Variants in MATN2 observed in about 807,000 individuals in gnomAD.
The protein encoded by MATN2 is matrilin 2.
MATN2 carries 69 observed loss-of-function variants against 103.2 expected under a neutral mutation model. The ratio of observed to expected loss-of-function variants is 0.67; its 90% CI spans 0.55 to 0.82. MATN2 has a LOEUF of 0.82. Ranked by LOEUF, MATN2 falls within the 40% of genes least tolerant of loss-of-function variation. MATN2 has a pLI of 0.00. For synonymous variants in MATN2, 429 were observed against 450.2 expected (o/e 0.95, Z 0.60); for missense variants, 1,023 against 1,211.5 (o/e 0.84, Z 2.31).
chr8:98,030,763 A>G (rs1306985231), intron 15 of MATN2, 149 bp downstream of exon 15: 2 of 688,622 alleles, frequency 2.9e-6, no homozygotes, highest in Non-Finnish European at 4.7e-6. Context: ...CCTGGGTTCA[A>G]GTGATTCTCA....
intron 5 of MATN2, among the ~76,000 whole-genome samples, chr8:97,972,450 C>CTG (rs987533220): frequency 2.0e-5 from 3 of 151,872 alleles, no homozygotes; most frequent in Non-Finnish European, 2.9e-5. Flanking sequence ...GAGTCTGACT[C>CTG]TGTGTGTGTG....
chr8:97,890,464 CAAA>C (rs553728394), intron 2 of MATN2, among the ~76,000 whole-genome samples: 5 of 84,220 alleles, frequency 5.9e-5, no homozygotes, highest in African/African-American at 3.6e-5. Context: ...GACTCTGTCT[CAAA>C]AAAAAAAAAA....
At chr8:98,006,766 GCTTTACC>G (rs1812983916) in intron 8 of MATN2, among the ~76,000 whole-genome samples, 2 of 152,198 alleles carry the variant, frequency 1.3e-5, no homozygotes, top group African/African-American at 4.8e-5. Flanking sequence ...GGAGTTGTAT[GCTTTACC>G]CTTCAAAGAA....
intron 6 of MATN2, among the ~76,000 whole-genome samples, chr8:97,986,393 A>G (rs920024982): frequency 2.6e-5 from 4 of 152,320 alleles, no homozygotes; most frequent in African/African-American, 9.6e-5. Context: ...TGGTGCAACC[A>G]TCACCTGAGC....
chr8:97,905,137 T>C (rs1348800285), intron 2 of MATN2, among the ~76,000 whole-genome samples: 1 of 152,242 alleles, frequency 6.6e-6, no homozygotes, highest in Admixed American at 6.5e-5. Context: ...TGTTACTCTA[T>C]ACCAAATTTT....
At chr8:98,031,248 G>T (rs11993552) in intron 15 of MATN2, among the ~76,000 whole-genome samples, 2,891 of 152,150 alleles carry the variant, frequency 0.019, 98 homozygotes, top group African/African-American at 0.065. Flanking sequence ...TGAGCGGGGA[G>T]GATCGTTTGA....
intron 2 of MATN2, among the ~76,000 whole-genome samples, chr8:97,904,307 CTTTT>C (rs1181689501): frequency 6.6e-6 from 1 of 152,088 alleles, no homozygotes; most frequent in African/African-American, 2.4e-5. Flanking sequence ...TTTTCTATTT[CTTTT>C]GAGTCTATTT....
intron 4 of MATN2, among the ~76,000 whole-genome samples, chr8:97,957,716 G>A (rs1811186584): frequency 6.6e-6 from 1 of 152,188 alleles, no homozygotes; most frequent in South Asian, 2.1e-4. Context: ...ATCATTAAAG[G>A]GGGAGACTGA....
chr8:97,928,156 C>T (rs1810054867), intron 2 of MATN2, among the ~76,000 whole-genome samples: 1 of 151,832 alleles, frequency 6.6e-6, no homozygotes, highest in African/African-American at 2.4e-5. Flanking sequence ...ATCTACTGCC[C>T]CAACCCAGGG....
chr8:97,910,966 T>A (rs1809401534), intron 2 of MATN2, among the ~76,000 whole-genome samples: 1 of 152,150 alleles, frequency 6.6e-6, no homozygotes, highest in East Asian at 1.9e-4. Flanking sequence ...TCAAGGAACA[T>A]CTCTATTTAA....
At chr8:97,901,348 G>A (rs1468509097) in intron 2 of MATN2, among the ~76,000 whole-genome samples, 2 of 151,906 alleles carry the variant, frequency 1.3e-5, no homozygotes, top group Non-Finnish European at 2.9e-5. Flanking sequence ...CGCCTTTTGG[G>A]TTCCAGCGAT....
intron 4 of MATN2, among the ~76,000 whole-genome samples, chr8:97,958,532 G>A (rs1811210437): frequency 6.6e-6 from 1 of 152,224 alleles, no homozygotes; most frequent in African/African-American, 2.4e-5. Flanking sequence ...GACAGCCGAT[G>A]GGTGAGGCCA....
rs545532976 is a variant in MATN2 at position 97,877,477 on chromosome 8, CA to C, written c.-27+8200del. 5.8e-4 allele frequency among the ~76,000 whole-genome samples: 84 copies of C among 144,032 alleles called. 1 individual carries two copies. In the East Asian group the frequency reaches 7.0e-3, roughly 12 times the overall value. The allele number at this position is 144,032 out of a possible 152,430, so 94.5% of individuals were successfully genotyped here. A position where few individuals can be genotyped will look rare whatever the true frequency, so the allele number is the denominator to read the frequency against. On this transcript the variant is annotated intron_variant, in intron 1 of 18. Coordinates refer to ENST00000254898, the MANE Select transcript of MATN2 (RefSeq NM_002380.5). ...GAGCAACGAGAGTGAAACTCAGTCT[CA>C]AAAAAAAAACTTTTTTTTTTTTTGT...
chr8:97,959,790 A>C (rs1379465829), intron 4 of MATN2, among the ~76,000 whole-genome samples: 1 of 147,384 alleles, frequency 6.8e-6, no homozygotes, highest in Non-Finnish European at 1.5e-5. Flanking sequence ...ATCAGCTTTT[A>C]TCTTTTTAAA....
At chr8:97,946,996 A>G (rs1810772886) in intron 4 of MATN2, among the ~76,000 whole-genome samples, 1 of 152,228 alleles carries the variant, frequency 6.6e-6, no homozygotes, top group Non-Finnish European at 1.5e-5. Flanking sequence ...AACAATATAT[A>G]GAAAGAACAA....
intron 3 of MATN2, among the ~76,000 whole-genome samples, chr8:97,932,726 C>CAAACTCCTGGATTG (rs1554604111): frequency 6.6e-6 from 1 of 152,230 alleles, no homozygotes; most frequent in Admixed American, 6.5e-5. Context: ...CCAGGAAACT[C>CAAACTCCTGGATTG]GCATCCTGAT....
intron 10 of MATN2, among the ~76,000 whole-genome samples, chr8:98,013,560 C>T (rs766849294): frequency 1.3e-5 from 2 of 152,190 alleles, no homozygotes; most frequent in Non-Finnish European, 2.9e-5. Flanking sequence ...TCTGATGATT[C>T]GTTGAAATCA....
intron 2 of MATN2, among the ~76,000 whole-genome samples, chr8:97,902,646 G>T (rs10102157): frequency 0.44 from 66,058 of 151,808 alleles, 15,052 homozygotes; most frequent in African/African-American, 0.53. Context: ...GAGAGGAGTC[G>T]CTATTGCCTC....
At chr8:97,986,958 G>A (rs1409505737) in intron 6 of MATN2, among the ~76,000 whole-genome samples, 6 of 151,654 alleles carry the variant, frequency 4.0e-5, no homozygotes, top group Non-Finnish European at 7.4e-5. Flanking sequence ...TCAGCCTCCC[G>A]AGTGGCTGGG....
Sources: allele counts gnomAD v4.1 joint callset (sites outside exome capture counted in the v4.1 genomes callset), GRCh38; gene constraint gnomAD v4.1.1; transcripts MANE v1.5; gene names NCBI Gene and HGNC (gene_info 2026-07-23, HGNC 2026-07-21).